PERM1: variants seen among roughly 807,000 people sequenced by gnomAD.
PERM1 encodes PGC-1 and ERR-induced regulator in muscle protein 1.
PERM1 carries 45 observed loss-of-function variants against 44.1 expected under a neutral mutation model. The ratio of observed to expected loss-of-function variants is 1.02; its 90% confidence interval spans 0.80 to 1.31. The LOEUF (loss-of-function observed/expected upper bound fraction) is 1.31. Among genes scored for constraint, PERM1 ranks in the 50% most tolerant of loss-of-function variants. The pLI is 0.00. For missense variants in PERM1, 1,189 were observed against 1,106.9 expected (o/e 1.07, Z -1.05); for synonymous variants, 565 against 477.1 (o/e 1.18, Z -2.40).
chr1:976,142 T>C, exon 3 of PERM1: 1 of 1,543,302 alleles, frequency 6.5e-7, no homozygotes, highest in Non-Finnish European at 8.7e-7. Context: ...CGTCTCCTCA[T>C]CCTGCATCTC....
At chr1:979,720 C>T in exon 1 of PERM1, 1 of 1,550,274 alleles carries the variant, frequency 6.5e-7, no homozygotes, top group Non-Finnish European at 8.7e-7. Context: ...CTCGGTCATC[C>T]TCGGCACAGC....
chr1:978,229 C>G (rs867109156), intron 1 of PERM1, among the ~76,000 whole-genome samples: 3 of 131,840 alleles, frequency 2.3e-5, no homozygotes, highest in Non-Finnish European at 3.3e-5. Context: ...CGCACACGCC[C>G]GCCCCGGGAA....
At chr1:981,865 C>T (rs1196926459), upstream of PERM1, among the ~76,000 whole-genome samples, 1 of 152,248 alleles carries the variant, frequency 6.6e-6, no homozygotes, top group Non-Finnish European at 1.5e-5. Flanking sequence ...GAGGGGGCCG[C>T]CCTCGGCCTC....
exon 1 of PERM1, chr1:980,452 C>A (rs766378597): frequency 1.9e-6 from 3 of 1,538,598 alleles, no homozygotes; most frequent in South Asian, 1.2e-5. Flanking sequence ...TGTGTGCCCA[C>A]CCCCCTTGGC....
At chr1:979,310 T>C in exon 1 of PERM1, 4 of 1,539,344 alleles carry the variant, frequency 2.6e-6, no homozygotes, top group Non-Finnish European at 3.5e-6. Flanking sequence ...GCAAAGCTGC[T>C]CCCGGGCCCG....
upstream of PERM1, chr1:981,927 C>T (rs1643799659): frequency 1.5e-6 from 1 of 672,208 alleles, no homozygotes; most frequent in Non-Finnish European, 2.2e-6. Flanking sequence ...TGGGGACGGT[C>T]CTGAGACGGA....
exon 1 of PERM1, chr1:979,286 C>T (rs1643716329): frequency 6.5e-7 from 1 of 1,548,086 alleles, no homozygotes; most frequent in Non-Finnish European, 8.7e-7. Flanking sequence ...TCGTAGGCCT[C>T]CGGGAGGGTC....
exon 1 of PERM1, chr1:980,263 G>A (rs1232573947): frequency 1.9e-6 from 3 of 1,550,436 alleles, no homozygotes; most frequent in Admixed American, 3.9e-5. Context: ...GACAGGTGTA[G>A]ACAGGCCCAA....
chr1:975,937 C>G, exon 3 of PERM1: 1 of 524,486 alleles, frequency 1.9e-6, no homozygotes, highest in African/African-American at 2.0e-5. Context: ...ACCCAGCCAC[C>G]TGCCTGCCCT....
At chr1:976,579 T>A in exon 2 of PERM1, 1 of 1,549,540 alleles carries the variant, frequency 6.5e-7, no homozygotes, top group Non-Finnish European at 8.7e-7. Context: ...CAGGCACATG[T>A]CATTCTGGCT....
chr1:975,919 AC>A (rs1205556589), exon 3 of PERM1: 2 of 499,560 alleles, frequency 4.0e-6, no homozygotes, highest in Admixed American at 7.6e-5. Flanking sequence ...GAATCTGGCC[AC>A]CCTCCTACCC....
intron 2 of PERM1, 89 bp from the exon 4 acceptor site, chr1:976,358 G>C (rs1450882687): frequency 1.4e-6 from 2 of 1,478,852 alleles, no homozygotes; most frequent in Middle Eastern, 2.0e-4. Flanking sequence ...GGCGGGCAAG[G>C]TCGGTGCGGC....
Position 979,209 on chromosome 1 carries a change from CG to C in PERM1, c.1820del (p.Pro607ArgfsTer100). The stretch of plus-strand genomic sequence containing the variant: ...ACATGTCCGGCCACTGGACGCCTGC[CG>C]GATCCTGACCGGCCGCTGCCGCCTC... On this transcript the variant is annotated frameshift_variant, in exon 1 of 3. Coordinates refer to ENST00000433179, the Ensembl canonical transcript of PERM1. LOFTEE classifies it high-confidence loss of function. 1.9e-6 allele frequency: 3 copies of C among 1,550,118 alleles called. No homozygotes were observed. The highest frequency in any genetic ancestry group is 1.7e-6 in the Non-Finnish European group (2 of 1,146,796).
rs1051789234 is a variant in PERM1 at position 980,517 on chromosome 1, A to G, written c.513T>C (p.Asp171=). ...GGCTCCGTGGTGGGGCTCCAGGGCTATCGGGGGGCCTCTGGGAGCCAGTGC... is the reference window on the plus strand; with the variant it reads ...GGCTCCGTGGTGGGGCTCCAGGGCTGTCGGGGGGCCTCTGGGAGCCAGTGC... The change falls in exon 1 of 3, where the codon GAT becomes GAC. Residue 171 remains aspartate, a synonymous_variant. Coordinates refer to ENST00000433179, the Ensembl canonical transcript of PERM1. 12 of 1,477,382 alleles carry G rather than the reference A, an allele frequency of 8.1e-6. No homozygotes were observed. In the African/African-American group the frequency reaches 1.1e-4, roughly 14 times the overall value. 91.5% of individuals were successfully genotyped at this position (1,477,382 alleles called of 1,614,324 possible).
chr1:978,667 C>T (rs972546329), intron 1 of PERM1, among the ~76,000 whole-genome samples: 2 of 152,218 alleles, frequency 1.3e-5, no homozygotes, highest in African/African-American at 2.4e-5. Flanking sequence ...GCAACGGCGG[C>T]GCAGAGCCAA....
chr1:979,415 C>T (rs1045584522), exon 1 of PERM1: 43 of 1,523,960 alleles, frequency 2.8e-5, no homozygotes, highest in East Asian at 9.8e-5. Context: ...TCCCAGGCTC[C>T]GGGCCCCCCG....
chr1:976,132 C>T (rs563823122), exon 3 of PERM1: 52 of 1,536,782 alleles, frequency 3.4e-5, no homozygotes, highest in Non-Finnish European at 4.4e-5. Flanking sequence ...CGCCTGTGGT[C>T]GTCTCCTCAT....
At chr1:976,666 A>G (rs1643621315) in intron 1 of PERM1, 42 bp from the exon 3 acceptor site, 7 of 1,546,390 alleles carry the variant, frequency 4.5e-6, no homozygotes, top group Non-Finnish European at 5.2e-6. Flanking sequence ...CTGCACTCAG[A>G]GATGGCCCCG....
chr1:978,876 C>A lies in PERM1; in HGVS notation c.2149+5G>T, dbSNP rs774113351. ...GGACGGGCTGTGGGATCCGAGAGCA[C>A]GTACCTGCCCGTCTAAGAGCCAGGT... On this transcript the variant is annotated splice_donor_5th_base_variant and intron_variant, in intron 1 of 2. Transcript: ENST00000433179. 2 of 1,474,110 alleles carry A rather than the reference C, an allele frequency of 1.4e-6. No individual in the cohort carries two copies. The highest frequency in any genetic ancestry group is 5.0e-5 in the East Asian group (2 of 39,998). The allele number at this position is 1,474,110 out of a possible 1,614,324, so 91.3% of individuals were successfully genotyped here.
Sources: gnomAD v4.1 joint callset for allele counts (sites outside exome capture counted in the v4.1 genomes callset) on GRCh38, gnomAD v4.1.1 for gene constraint, MANE v1.5 for transcripts, NCBI Gene and HGNC (gene_info 2026-07-23, HGNC 2026-07-21) for gene names.